STARD13: variants seen among roughly 807,000 people sequenced by gnomAD.
The protein encoded by STARD13 is StAR related lipid transfer domain containing 13.
In STARD13, 62 loss-of-function variants were observed where a neutral mutation model predicts 106.4. The observed-to-expected ratio is 0.58, with a 90% CI of 0.48 to 0.72. STARD13 has a LOEUF of 0.72. Among genes scored for constraint, STARD13 ranks in the 30% least tolerant of loss-of-function variants. STARD13 has a pLI of 0.00. For missense variants in STARD13, 1,387 were observed against 1,424.0 expected (o/e 0.97, Z 0.42); for synonymous variants, 565 against 553.0 (o/e 1.02, Z -0.31).
At chr13:33,138,757 T>A in intron 4 of STARD13, 3 of 428,964 alleles carry the variant, frequency 7.0e-6, no homozygotes, top group South Asian at 5.1e-5. Flanking sequence ...GGCTGGGTTG[T>A]TAGTCTTCCA....
At chr13:33,630,232 T>C in the STARD13 span, among the ~76,000 whole-genome samples, 3 of 152,266 alleles carry the variant, frequency 2.0e-5, no homozygotes, top group East Asian at 5.8e-4. Flanking sequence ...AGATTGCAAA[T>C]TCCTGGTCCT....
upstream of STARD13, among the ~76,000 whole-genome samples, chr13:33,287,296 G>A (rs1892103567): frequency 1.3e-5 from 2 of 152,176 alleles, no homozygotes; most frequent in Non-Finnish European, 2.9e-5. Context: ...GAAGCAGCTC[G>A]TCTTGTATAA....
At chr13:33,241,596 G>A (rs904133889) in intron 1 of STARD13, among the ~76,000 whole-genome samples, 2 of 141,690 alleles carry the variant, frequency 1.4e-5, no homozygotes, top group Non-Finnish European at 3.0e-5. Flanking sequence ...GCCGAGCCGA[G>A]GCTGGACCAT....
intron 2 of STARD13, among the ~76,000 whole-genome samples, chr13:33,167,015 C>CAA (rs1010175989): frequency 2.9e-5 from 4 of 139,248 alleles, no homozygotes; most frequent in African/African-American, 1.1e-4. Flanking sequence ...AAAAAAAAAC[C>CAA]AAAAAAAAAT....
At chr13:33,150,186 C>T (rs1881088536) in intron 3 of STARD13, among the ~76,000 whole-genome samples, 1 of 152,134 alleles carries the variant, frequency 6.6e-6, no homozygotes, top group African/African-American at 2.4e-5. Flanking sequence ...CATATAGGTC[C>T]AATCAGTGAT....
the STARD13 span, among the ~76,000 whole-genome samples, chr13:33,584,719 T>C: frequency 6.6e-6 from 1 of 152,120 alleles, no homozygotes; most frequent in Non-Finnish European, 1.5e-5. Context: ...ACCTTAAGAC[T>C]GTCCCTGTTC....
At chr13:33,165,224 C>T (rs896455371) in intron 3 of STARD13, 113 bp downstream of exon 3, 2 of 803,904 alleles carry the variant, frequency 2.5e-6, no homozygotes, top group African/African-American at 3.4e-5. Flanking sequence ...GGGTCAGGCA[C>T]ATGGTAGGCA....
At chr13:33,189,437 AG>A (rs1566062360) in intron 1 of STARD13, among the ~76,000 whole-genome samples, 3 of 95,740 alleles carry the variant, frequency 3.1e-5, no homozygotes, top group Admixed American at 1.1e-4. Context: ...CTCCTTTCGG[AG>A]GAAGGAGGGA....
chr13:33,460,657 C>A, the STARD13 span, among the ~76,000 whole-genome samples: 1 of 151,240 alleles, frequency 6.6e-6, no homozygotes, highest in Non-Finnish European at 1.5e-5. Context: ...ATTCTTCTCC[C>A]AAATTAAAAA....
At chr13:33,318,388 G>C (rs1413763371) in intron 1 of STARD13, among the ~76,000 whole-genome samples, 1 of 152,092 alleles carries the variant, frequency 6.6e-6, no homozygotes, top group Non-Finnish European at 1.5e-5. Context: ...ACATGCAAAA[G>C]AATGAAGTTA....
At chr13:33,138,559 C>T (rs888364563) in intron 4 of STARD13, 1 of 181,918 alleles carries the variant, frequency 5.5e-6, no homozygotes, top group South Asian at 1.0e-4. Flanking sequence ...AAACAGGAAC[C>T]CACACGAATC....
chr13:33,358,174 A>G, the STARD13 span, among the ~76,000 whole-genome samples: 5 of 151,826 alleles, frequency 3.3e-5, no homozygotes, highest in African/African-American at 4.8e-5. Flanking sequence ...CCAGCCCACC[A>G]GTGCTGCGCT....
chr13:33,361,579 A>C, the STARD13 span, among the ~76,000 whole-genome samples: 1 of 152,182 alleles, frequency 6.6e-6, no homozygotes, highest in Admixed American at 6.5e-5. Context: ...ATTTATAAAG[A>C]AAAGAGGTTT....
downstream of STARD13, among the ~76,000 whole-genome samples, chr13:33,346,602 A>G (rs941341146): frequency 3.3e-5 from 5 of 151,988 alleles, no homozygotes; most frequent in African/African-American, 1.2e-4. Flanking sequence ...TAGCAAATAC[A>G]GGTTTGTTTG....
chr13:33,454,028 T>A, the STARD13 span, among the ~76,000 whole-genome samples: 1 of 152,366 alleles, frequency 6.6e-6, no homozygotes, highest in East Asian at 1.9e-4. Flanking sequence ...GTTTACTTAA[T>A]GTCTCATCTC....
the STARD13 span, among the ~76,000 whole-genome samples, chr13:33,563,856 G>C: frequency 6.8e-6 from 1 of 147,140 alleles, no homozygotes; most frequent in African/African-American, 2.5e-5. Flanking sequence ...AATATATAAG[G>C]AGCTCAAACA....
the STARD13 span, among the ~76,000 whole-genome samples, chr13:33,458,862 C>T: frequency 1.4e-5 from 2 of 147,264 alleles, no homozygotes; most frequent in Non-Finnish European, 3.0e-5. Context: ...ACTCTGTTGC[C>T]CAGGCTGGAG....
chr13:33,200,834 A>C (rs1203125685), intron 1 of STARD13, among the ~76,000 whole-genome samples: 1 of 151,934 alleles, frequency 6.6e-6, no homozygotes, highest in Non-Finnish European at 1.5e-5. Flanking sequence ...ATCCTGGCTA[A>C]CACGGTGAAA....
chr13:33,179,132 T>C (rs1162901883), intron 1 of STARD13, among the ~76,000 whole-genome samples: 2 of 152,260 alleles, frequency 1.3e-5, no homozygotes, highest in Non-Finnish European at 2.9e-5. Context: ...TGAATACATA[T>C]ACTTAGTTTT....
Sources: allele counts gnomAD v4.1 joint callset (sites outside exome capture counted in the v4.1 genomes callset), GRCh38; gene constraint gnomAD v4.1.1; transcripts MANE v1.5; gene names NCBI Gene and HGNC (gene_info 2026-07-23, HGNC 2026-07-21).